Variants in LHFPL6 observed in about 807,000 individuals in gnomAD.
LHFPL6 encodes LHFPL tetraspan subfamily member 6.
Under a neutral mutation model 20.6 loss-of-function variants are expected in LHFPL6, and 9 were observed. The observed-to-expected ratio is 0.44, with a 90% CI of 0.26 to 0.76. The LOEUF (loss-of-function observed/expected upper bound fraction) is 0.76. Ranked by LOEUF, LHFPL6 falls within the 30% of genes least tolerant of loss-of-function variation. The pLI is 0.20. For missense variants in LHFPL6, 218 were observed against 253.5 expected (o/e 0.86, Z 0.95); for synonymous variants, 105 against 98.7 (o/e 1.06, Z -0.38).
chr13:39,473,722 C>T (rs910301703), intron 2 of LHFPL6, among the ~76,000 whole-genome samples: 1 of 152,278 alleles, frequency 6.6e-6, no homozygotes, highest in East Asian at 1.9e-4. Context: ...TGGCCAATTG[C>T]GTTACCAATG....
chr13:39,383,296 A>G (rs1870488022), intron 2 of LHFPL6, among the ~76,000 whole-genome samples: 1 of 152,252 alleles, frequency 6.6e-6, no homozygotes, highest in Non-Finnish European at 1.5e-5. Flanking sequence ...ATCAGGCCAC[A>G]ATATTTTCCA....
intron 2 of LHFPL6, among the ~76,000 whole-genome samples, chr13:39,502,889 T>C (rs1869341911): frequency 6.6e-6 from 1 of 152,186 alleles, no homozygotes; most frequent in Admixed American, 6.5e-5. Flanking sequence ...TTATTATTGT[T>C]GTATCTTATT....
In LHFPL6 at chr13:39,586,171, GTATA is replaced by G. The variant is rs57237715; in HGVS notation, c.385+14657_385+14660del. Among the ~76,000 whole-genome samples the G allele has an allele frequency of 5.3e-5, 8 of 150,908 alleles. No individual in the cohort carries two copies. The East Asian group carries it at 7.8e-4, about 15-fold the overall frequency. On this transcript the variant is annotated intron_variant, in intron 2 of 3. Coordinates refer to ENST00000379589, the MANE Select transcript of LHFPL6 (RefSeq NM_005780.3). Reference sequence around the variant, plus strand: ...TCACTCTTACATCTAATTATTGTGTGTATATATATATATATACACATACACAGCA... The same window carrying G: ...TCACTCTTACATCTAATTATTGTGTGTATATATATATACACATACACAGCA...
chr13:39,430,078 C>T (rs1362767015), intron 2 of LHFPL6, among the ~76,000 whole-genome samples: 1 of 152,222 alleles, frequency 6.6e-6, no homozygotes, highest in East Asian at 1.9e-4. Context: ...TCTAAGCACA[C>T]TCATTTCTTT....
chr13:39,515,399 T>C (rs759445467), intron 2 of LHFPL6, among the ~76,000 whole-genome samples: 3 of 152,312 alleles, frequency 2.0e-5, no homozygotes, highest in Non-Finnish European at 2.9e-5. Flanking sequence ...TTTTACAACA[T>C]ATGATCCAAA....
At chr13:39,592,515 G>C (rs1396572465) in intron 2 of LHFPL6, among the ~76,000 whole-genome samples, 1 of 152,158 alleles carries the variant, frequency 6.6e-6, no homozygotes, top group African/African-American at 2.4e-5. Flanking sequence ...AGGACCAGAT[G>C]GATGCACAGC....
chr13:39,534,231 T>G (rs1870551129), intron 2 of LHFPL6, among the ~76,000 whole-genome samples: 1 of 152,184 alleles, frequency 6.6e-6, no homozygotes, highest in Non-Finnish European at 1.5e-5. Context: ...TGGAACTTGA[T>G]CCTGTTCCAA....
intron 2 of LHFPL6, among the ~76,000 whole-genome samples, chr13:39,547,439 T>C (rs1351146122): frequency 6.6e-6 from 1 of 152,154 alleles, no homozygotes; most frequent in Non-Finnish European, 1.5e-5. Flanking sequence ...ATTTACTATG[T>C]TGTTGGCTGA....
intron 2 of LHFPL6, among the ~76,000 whole-genome samples, chr13:39,420,511 T>A (rs186009369): frequency 1.1e-3 from 163 of 152,266 alleles, no homozygotes; most frequent in African/African-American, 3.2e-3. Flanking sequence ...ACAAGATTTT[T>A]AAAATACATG....
chr13:39,577,266 C>T (rs898946495), intron 2 of LHFPL6, among the ~76,000 whole-genome samples: 3 of 152,140 alleles, frequency 2.0e-5, no homozygotes, highest in African/African-American at 7.2e-5. Context: ...TTCCAGAGCA[C>T]CCCCGCCTTC....
intron 2 of LHFPL6, among the ~76,000 whole-genome samples, chr13:39,590,460 T>C (rs551882521): frequency 7.9e-5 from 12 of 152,258 alleles, no homozygotes; most frequent in African/African-American, 1.2e-4. Flanking sequence ...CAGGAATTAA[T>C]GTTCCTCAGA....
intron 2 of LHFPL6, among the ~76,000 whole-genome samples, chr13:39,562,475 C>CATATATACAT (rs1304589253): frequency 1.2e-5 from 1 of 86,612 alleles, no homozygotes; most frequent in African/African-American, 4.0e-5. Context: ...CACATATACA[C>CATATATACAT]ATATACATAT....
intron 2 of LHFPL6, among the ~76,000 whole-genome samples, chr13:39,414,592 ACTT>A (rs10547966): frequency 0.24 from 36,288 of 151,698 alleles, 4,708 homozygotes; most frequent in East Asian, 0.47. Context: ...TACTGTTTTC[ACTT>A]CTTCTTCTTA....
At chr13:39,497,123 C>T (rs1402609952) in intron 2 of LHFPL6, among the ~76,000 whole-genome samples, 1 of 152,200 alleles carries the variant, frequency 6.6e-6, no homozygotes, top group African/African-American at 2.4e-5. Flanking sequence ...GTAAACTACA[C>T]TCAAAATCTA....
intron 2 of LHFPL6, among the ~76,000 whole-genome samples, chr13:39,561,963 T>C (rs982474813): frequency 4.6e-5 from 7 of 152,176 alleles, no homozygotes; most frequent in Non-Finnish European, 8.8e-5. Flanking sequence ...AACTCATACA[T>C]AGTCAATAAT....
At chr13:39,499,346 A>G (rs1243525677) in intron 2 of LHFPL6, among the ~76,000 whole-genome samples, 2 of 152,190 alleles carry the variant, frequency 1.3e-5, no homozygotes, top group African/African-American at 4.8e-5. Flanking sequence ...AATGACTCCA[A>G]GCCAGGCCTT....
intron 2 of LHFPL6, among the ~76,000 whole-genome samples, chr13:39,520,262 C>T (rs1351230834): frequency 1.3e-5 from 2 of 152,114 alleles, no homozygotes; most frequent in Non-Finnish European, 1.5e-5. Context: ...AGAACGGGAC[C>T]CAGCCAGAAA....
chr13:39,572,285 A>ACTCT lies in LHFPL6; in HGVS notation c.385+28543_385+28546dup, dbSNP rs149000611. On this transcript the variant is annotated intron_variant, in intron 2 of 3. Transcript: ENST00000379589. ...AGAGCCGTGGTAGTATATTTTTTAA[A>ACTCT]CTCTGTGTGTGTGTGTGTGTGTGTG... Among the ~76,000 whole-genome samples the ACTCT allele has an allele frequency of 3.4e-3, 421 of 123,156 alleles. 1 individual carries two copies. Among genetic ancestry groups the ACTCT allele is most frequent in the East Asian group, 0.032 (132 of 4,140 alleles). The allele number at this position is 123,156 out of a possible 152,430, so 80.8% of individuals were successfully genotyped here.
chr13:39,422,671 A>T (rs149076994), intron 2 of LHFPL6, among the ~76,000 whole-genome samples: 87 of 151,970 alleles, frequency 5.7e-4, no homozygotes, highest in Middle Eastern at 6.9e-3. Context: ...ACACTCTTTT[A>T]TCTGGAAAGT....
Sources: allele counts gnomAD v4.1 joint callset (sites outside exome capture counted in the v4.1 genomes callset), GRCh38; gene constraint gnomAD v4.1.1; transcripts MANE v1.5; gene names NCBI Gene and HGNC (gene_info 2026-07-23, HGNC 2026-07-21).